ZNF112: variants seen among roughly 807,000 people sequenced by gnomAD.
ZNF112 encodes zinc finger protein 112.
In ZNF112, 37 loss-of-function variants were observed where a neutral mutation model predicts 77.7. That is an observed-to-expected ratio of 0.48 (90% CI 0.37 to 0.63). The LOEUF is 0.63. Ranked by LOEUF, ZNF112 falls within the 20% of genes least tolerant of loss-of-function variation. The probability of loss-of-function intolerance (pLI) is 0.00; values close to 1 mark genes in which losing one functional copy is unlikely to be tolerated. For synonymous variants in ZNF112, 333 were observed against 363.6 expected (o/e 0.92, Z 0.96); for missense variants, 950 against 1,077.4 (o/e 0.88, Z 1.66).
intron 1 of ZNF112, among the ~76,000 whole-genome samples, chr19:44,348,844 G>C (rs1241888747): frequency 6.6e-6 from 1 of 151,922 alleles, no homozygotes. Context: ...AGGTCTTAAA[G>C]GCAAACAGAA....
At position 44,328,000 on chromosome 19, in the gene ZNF112, T is replaced by G. The variant is rs765400883; in HGVS notation, c.2157A>C (p.Val719=). The G allele has an allele frequency of 6.2e-7, 1 of 1,613,394 alleles. No individual in the cohort carries two copies. Among genetic ancestry groups the G allele is most frequent in the African/African-American group, 1.3e-5 (1 of 74,678 alleles). ...HSGERPYICE[V]CGKGFSQRAY... ...CTCTCTGACTGAAGCCCTTTCCACA[T>G]ACCTCACATATATATGGTCTTTCTC... Residue 719 remains valine, a synonymous_variant, in exon 4 of 4, where the codon GTA becomes GTC. Coordinates refer to ENST00000354340, the MANE Select transcript of ZNF112 (RefSeq NM_013380.4).
rs901844195 is a variant in ZNF112 at position 44,340,322 on chromosome 19, G to T, written c.124+94C>A. On this transcript the variant is annotated intron_variant, in intron 2 of 3. Coordinates refer to ENST00000354340, the MANE Select transcript of ZNF112 (RefSeq NM_013380.4). ...GGACTCTCGGGCACCTAATCTCAGAGAATAATTTCAGGGGCTTCAGAGTTT... is the reference window on the plus strand; with the variant it reads ...GGACTCTCGGGCACCTAATCTCAGATAATAATTTCAGGGGCTTCAGAGTTT... The T allele has an allele frequency of 1.3e-4, 198 of 1,522,892 alleles. 1 individual carries two copies. Among genetic ancestry groups the T allele is most frequent in the Admixed American group, 1.8e-4 (8 of 45,392 alleles). 94.3% of individuals were successfully genotyped at this position (1,522,892 alleles called of 1,614,324 possible). A position where few individuals can be genotyped will look rare whatever the true frequency, so the allele number is the denominator to read the frequency against.
chr19:44,335,891 A>C (rs1405031498), intron 3 of ZNF112, among the ~76,000 whole-genome samples: 4 of 152,242 alleles, frequency 2.6e-5, no homozygotes, highest in African/African-American at 9.6e-5. Flanking sequence ...TGAGGACTCA[A>C]GAAACTATCA....
upstream of ZNF112, among the ~76,000 whole-genome samples, chr19:44,359,536 C>G (rs572001042): frequency 1.3e-5 from 2 of 151,938 alleles, no homozygotes; most frequent in South Asian, 4.2e-4. Flanking sequence ...ATTGGCCAGG[C>G]TGGTGTTGAA....
At chr19:44,367,129 A>G (rs1970913034) in exon 1 of ZNF112, 2 of 456,048 alleles carry the variant, frequency 4.4e-6, no homozygotes, top group Non-Finnish European at 8.8e-6. Flanking sequence ...GCTCTTCTCG[A>G]AGACAAGGAG....
At chr19:44,346,493 GT>G (rs1312727960) in intron 1 of ZNF112, among the ~76,000 whole-genome samples, 1 of 152,138 alleles carries the variant, frequency 6.6e-6, no homozygotes, top group Non-Finnish European at 1.5e-5. Context: ...TTTTAGGTCA[GT>G]AATTAACCAT....
chr19:44,365,010 G>A (rs1044477169), intron 1 of ZNF112, among the ~76,000 whole-genome samples: 1 of 151,278 alleles, frequency 6.6e-6, no homozygotes, highest in Admixed American at 6.6e-5. Context: ...GGGTGGGTGG[G>A]TGTTCCCTTC....
intron 1 of ZNF112, among the ~76,000 whole-genome samples, chr19:44,342,250 A>G (rs907011677): frequency 1.3e-5 from 2 of 152,246 alleles, no homozygotes; most frequent in Non-Finnish European, 2.9e-5. Context: ...CTTATATAAG[A>G]ATCTAGCTCT....
intron 1 of ZNF112, among the ~76,000 whole-genome samples, chr19:44,362,520 C>G (rs1245166898): frequency 6.6e-6 from 1 of 151,188 alleles, no homozygotes; most frequent in Non-Finnish European, 1.5e-5. Context: ...TGTTCATGTG[C>G]ACTATTCTTG....
chr19:44,367,017 A>G (rs569711479), intron 1 of ZNF112: 10 of 454,674 alleles, frequency 2.2e-5, no homozygotes, highest in African/African-American at 2.0e-4. Flanking sequence ...CAGAGCGCAC[A>G]AAATACAAGA....
chr19:44,327,570 C>G lies in ZNF112; in HGVS notation c.2587G>C (p.Gly863Arg), dbSNP rs1599905183. 4 of 1,614,042 alleles carry G rather than the reference C, an allele frequency of 2.5e-6. No homozygotes were observed. The highest frequency in any genetic ancestry group is 1.7e-6 in the Non-Finnish European group (2 of 1,179,950). The part of the protein sequence containing the change: ...KPYKCDACGK[G>R]FRWSSGLLIH... ...AGAAGACCTGAGCTCCAACGGAAAC[C>G]CTTACCACATGCATCACATTTGTAT... The change falls in exon 4 of 4, where the codon GGT becomes CGT. Residue 863 changes from glycine (G) to arginine (R), a missense_variant. Physicochemically the swap from Gly to Arg is moderately radical, Grantham distance 125. Coordinates refer to ENST00000354340, the MANE Select transcript of ZNF112 (RefSeq NM_013380.4).
At chr19:44,359,221 G>A (rs559014922), upstream of ZNF112, among the ~76,000 whole-genome samples, 1 of 150,426 alleles carries the variant, frequency 6.6e-6, no homozygotes, top group Non-Finnish European at 1.5e-5. Flanking sequence ...TAGTAATTCT[G>A]GTCTCTTCAC....
intron 3 of ZNF112, 96 bp from the exon 4 acceptor site, chr19:44,330,032 G>T: frequency 1.1e-6 from 1 of 901,130 alleles, no homozygotes; most frequent in Non-Finnish European, 1.6e-6. Context: ...AAACTTGAAT[G>T]AACCAGAGGA....
chr19:44,364,198 C>A (rs1021675649), intron 1 of ZNF112, among the ~76,000 whole-genome samples: 1 of 152,164 alleles, frequency 6.6e-6, no homozygotes, highest in African/African-American at 2.4e-5. Flanking sequence ...GTGTGAGCCA[C>A]CATGCCTGGC....
rs150189137 is a variant in ZNF112, at chr19:44,336,590, C to T, written c.220+33G>A. 6,018 of 1,571,744 alleles carry T rather than the reference C, an allele frequency of 3.8e-3. 24 individuals are homozygous for T. Among genetic ancestry groups the T allele is most frequent in the South Asian group, 6.6e-3 (594 of 90,128 alleles). The stretch of plus-strand genomic sequence containing the variant: ...TGACTCATGTTCTAGAAGGGGCTCC[C>T]TGGCTGCTGTGTTCCTGCAGCACAG... On this transcript the variant is annotated intron_variant, in intron 3 of 3. Transcript: ENST00000354340.
In ZNF112 at chr19:44,328,766, G is replaced by T; in HGVS notation, c.1391C>A (p.Pro464Gln). 6.2e-7 allele frequency: 1 copy of T among 1,614,084 alleles called. No individual in the cohort carries two copies. The highest frequency in any genetic ancestry group is 8.5e-7 in the Non-Finnish European group (1 of 1,179,978). ...DLQIVHTKEQ[P>Q]YKRYVCSNSF... ...GTTACTACACACATAGCGTTTATAT[G>T]GTTGTTCCTTAGTGTGGACTATCTG... is the stretch of plus-strand genomic sequence containing the variant. The change falls in exon 4 of 4, where the codon CCA becomes CAA. Residue 464 changes from proline (P) to glutamine (Q), a missense_variant. This residue lies in a region of ZNF112 where 560 missense variants were observed against 557.3 expected (regional missense o/e 1.00). Coordinates refer to ENST00000354340, the MANE Select transcript of ZNF112 (RefSeq NM_013380.4).
chr19:44,333,582 C>T (rs878971749), intron 3 of ZNF112, among the ~76,000 whole-genome samples: 2 of 152,136 alleles, frequency 1.3e-5, no homozygotes, highest in Non-Finnish European at 2.9e-5. Context: ...AGTGCTGTCT[C>T]GTGACAGAGT....
rs773959797 is a variant in ZNF112 at position 44,327,847 on chromosome 19, T to C, written c.2310A>G (p.Pro770=). The C allele has an allele frequency of 1.9e-6, 3 of 1,614,002 alleles. No homozygotes were observed. The highest frequency in any genetic ancestry group is 1.7e-6 in the Non-Finnish European group (2 of 1,179,902). ...CCTTTGTACACACCTCACATTTGTA[T>C]GGTTTCCCTCCTGTGTGAACCCTCC... The part of the protein sequence containing the change: ...AHRRVHTGGK[P]YKCEVCTKGF... Residue 770 remains proline (P), a synonymous_variant, in exon 4 of 4, where the codon CCA becomes CCG. Coordinates refer to ENST00000354340, the MANE Select transcript of ZNF112 (RefSeq NM_013380.4).
In ZNF112 at chr19:44,336,530, C is replaced by T. The variant is rs1008111471; in HGVS notation, c.220+93G>A. 4 of 1,083,898 alleles carry T rather than the reference C, an allele frequency of 3.7e-6. No homozygotes were observed. The Admixed American group carries it at 7.5e-5, about 20-fold the overall frequency. The allele number at this position is 1,083,898 out of a possible 1,614,324, so 67.1% of individuals were successfully genotyped here. ...AACTTACTATGTGTGAAATGGGGAG[C>T]CACAGGAAAGCTTAAACAGAGAAGT... On this transcript the variant is annotated intron_variant, in intron 3 of 3. Transcript: ENST00000354340.
Sources: allele counts gnomAD v4.1 joint callset (sites outside exome capture counted in the v4.1 genomes callset), GRCh38; gene constraint gnomAD v4.1.1; regional missense constraint gnomAD v4.1.1; transcripts MANE v1.5; gene names NCBI Gene and HGNC (gene_info 2026-07-23, HGNC 2026-07-21).